Variants in RIMS1 observed in about 807,000 individuals in gnomAD.
RIMS1 encodes the protein regulating synaptic membrane exocytosis protein 1.
In RIMS1, 83 loss-of-function variants were observed where a neutral mutation model predicts 214.1. That is an observed-to-expected ratio of 0.39 (90% CI 0.32 to 0.47). The LOEUF (loss-of-function observed/expected upper bound fraction) is 0.47, where lower values mean the gene tolerates loss of function less well. Among genes scored for constraint, RIMS1 ranks in the 20% least tolerant of loss-of-function variants. The probability of loss-of-function intolerance (pLI) is 0.99; values close to 1 mark genes in which losing one functional copy is unlikely to be tolerated. For synonymous variants in RIMS1, 793 were observed against 786.8 expected (o/e 1.01, Z -0.13); for missense variants, 2,050 against 2,161.8 (o/e 0.95, Z 1.03).
chr6:72,107,689 G>T (rs999934134), intron 4 of RIMS1, among the ~76,000 whole-genome samples: 2 of 152,100 alleles, frequency 1.3e-5, no homozygotes, highest in Non-Finnish European at 2.9e-5. Flanking sequence ...CTGGGTAGGG[G>T]CCAGTTAAGG....
intron 4 of RIMS1, among the ~76,000 whole-genome samples, chr6:72,150,482 T>C (rs777837390): frequency 2.0e-5 from 3 of 152,170 alleles, no homozygotes; most frequent in Non-Finnish European, 2.9e-5. Flanking sequence ...CATAAGATAT[T>C]GAAGACATTG....
intron 2 of RIMS1, among the ~76,000 whole-genome samples, chr6:72,017,217 T>C (rs1813051798): frequency 6.6e-6 from 1 of 152,208 alleles, no homozygotes; most frequent in African/African-American, 2.4e-5. Context: ...TATCTTAATA[T>C]TTACATATTT....
intron 1 of RIMS1, among the ~76,000 whole-genome samples, chr6:71,963,758 A>G (rs1007035995): frequency 6.6e-6 from 1 of 152,158 alleles, no homozygotes; most frequent in African/African-American, 2.4e-5. Flanking sequence ...TTTTTATTTT[A>G]TAAATATTTT....
At chr6:71,893,365 A>G (rs1770572917) in intron 1 of RIMS1, among the ~76,000 whole-genome samples, 1 of 152,106 alleles carries the variant, frequency 6.6e-6, no homozygotes, top group Non-Finnish European at 1.5e-5. Context: ...TTTTTAGCAC[A>G]AAAAGCAATG....
intron 29 of RIMS1, among the ~76,000 whole-genome samples, chr6:72,356,401 G>A (rs1564460749): frequency 6.6e-6 from 1 of 152,036 alleles, no homozygotes; most frequent in Admixed American, 6.6e-5. Flanking sequence ...AGAAAGACAG[G>A]GCATAGCCTC....
intron 15 of RIMS1, among the ~76,000 whole-genome samples, chr6:72,252,286 A>G (rs1245224760): frequency 1.3e-5 from 2 of 152,128 alleles, no homozygotes; most frequent in Non-Finnish European, 2.9e-5. Flanking sequence ...AATGAAGTAT[A>G]ATGACTAATT....
At chr6:71,996,579 A>G (rs760674492) in intron 2 of RIMS1, among the ~76,000 whole-genome samples, 9 of 152,184 alleles carry the variant, frequency 5.9e-5, no homozygotes, top group Admixed American at 2.0e-4. Flanking sequence ...TCTCTGCACT[A>G]CTTATAAAGA....
chr6:72,034,493 T>C (rs887918555), intron 2 of RIMS1, among the ~76,000 whole-genome samples: 3 of 152,068 alleles, frequency 2.0e-5, no homozygotes, highest in Admixed American at 6.6e-5. Flanking sequence ...GTTTTGCAGC[T>C]CTCAGGAATT....
At chr6:72,378,696 A>G (rs1595776390) in intron 29 of RIMS1, among the ~76,000 whole-genome samples, 1 of 152,286 alleles carries the variant, frequency 6.6e-6, no homozygotes, top group East Asian at 1.9e-4. Context: ...GTAATTAGCC[A>G]GGCGTGGTGG....
intron 28 of RIMS1, among the ~76,000 whole-genome samples, chr6:72,326,197 T>G (rs1167309743): frequency 6.6e-6 from 1 of 151,816 alleles, no homozygotes; most frequent in Non-Finnish European, 1.5e-5. Flanking sequence ...GTATGTAAAT[T>G]GATTGTAATT....
At chr6:72,172,971 T>C (rs1186599095) in intron 4 of RIMS1, among the ~76,000 whole-genome samples, 1 of 152,172 alleles carries the variant, frequency 6.6e-6, no homozygotes, top group Non-Finnish European at 1.5e-5. Context: ...TGAAAACCAT[T>C]TGCTTCCTGG....
intron 2 of RIMS1, among the ~76,000 whole-genome samples, chr6:72,074,471 C>G (rs1470781638): frequency 6.6e-6 from 1 of 152,130 alleles, no homozygotes; most frequent in African/African-American, 2.4e-5. Context: ...CGAGACCAGC[C>G]TGGGCAATAT....
At chr6:72,186,254 T>C (rs185216727) in intron 6 of RIMS1, among the ~76,000 whole-genome samples, 1 of 152,352 alleles carries the variant, frequency 6.6e-6, no homozygotes, top group East Asian at 1.9e-4. Context: ...CAAGGTGTTA[T>C]GTATGGTGTT....
At chr6:72,001,138 G>A (rs1226710309) in intron 2 of RIMS1, among the ~76,000 whole-genome samples, 1 of 152,048 alleles carries the variant, frequency 6.6e-6, no homozygotes, top group African/African-American at 2.4e-5. Flanking sequence ...CCTAAAGGAG[G>A]AAACTTGATC....
chr6:72,203,012 G>A (rs530948570), intron 6 of RIMS1, among the ~76,000 whole-genome samples: 3 of 151,772 alleles, frequency 2.0e-5, no homozygotes, highest in Admixed American at 6.6e-5. Context: ...TTTTTGAGAC[G>A]GAGTCTCCCT....
At position 72,271,282 on chromosome 6, in the gene RIMS1, AAAAAATAT is replaced by A. The variant is rs1201813015; in HGVS notation, c.3399-3065_3399-3058del. On this transcript the variant is annotated intron_variant, in intron 22 of 33. Coordinates refer to ENST00000521978, the MANE Select transcript of RIMS1 (RefSeq NM_014989.7). Reference sequence around the variant, plus strand: ...CTCCATCTCAAGGAAAAAAAAAAAAAAAAAATATATATATATATATATATATATATATA... The same window carrying A: ...CTCCATCTCAAGGAAAAAAAAAAAAAATATATATATATATATATATATATA... Among the ~76,000 whole-genome samples the A allele has an allele frequency of 4.9e-3, 331 of 68,238 alleles. 3 individuals are homozygous for A. The highest frequency in any genetic ancestry group is 0.018 in the African/African-American group (312 of 17,020). The allele number at this position is 68,238 out of a possible 152,430, so 44.8% of individuals were successfully genotyped here.
At chr6:71,944,615 G>C (rs1787218101) in intron 1 of RIMS1, among the ~76,000 whole-genome samples, 1 of 152,142 alleles carries the variant, frequency 6.6e-6, no homozygotes, top group Admixed American at 6.6e-5. Context: ...CCATTGAGAA[G>C]TGAGAGAAAA....
At chr6:72,311,665 C>T (rs895139651) in intron 27 of RIMS1, among the ~76,000 whole-genome samples, 1 of 152,024 alleles carries the variant, frequency 6.6e-6, no homozygotes, top group Admixed American at 6.6e-5. Context: ...TATTTTCATG[C>T]CTGATATGAA....
chr6:72,006,686 C>T (rs148667016), intron 2 of RIMS1, among the ~76,000 whole-genome samples: 1,537 of 152,342 alleles, frequency 0.01, 67 homozygotes, highest in Admixed American at 0.08. Context: ...TATCCCGTGC[C>T]TGGCTCGGAG....
Sources: gnomAD v4.1 joint callset for allele counts (sites outside exome capture counted in the v4.1 genomes callset) on GRCh38, gnomAD v4.1.1 for gene constraint, MANE v1.5 for transcripts, NCBI Gene and HGNC (gene_info 2026-07-23, HGNC 2026-07-21) for gene names.